The following GRM7 variants were observed in gnomAD, a reference collection of about 807,000 sequenced individuals.
GRM7 encodes metabotropic glutamate receptor 7.
A neutral mutation model predicts 84.5 loss-of-function variants in GRM7; 35 were observed. That is an observed-to-expected ratio of 0.41 (90% CI 0.32 to 0.55). GRM7 has a LOEUF of 0.55. Ranked by LOEUF, GRM7 falls within the 20% of genes least tolerant of loss-of-function variation. The pLI, the probability that GRM7 is intolerant of heterozygous loss-of-function variation, is 0.19. For missense variants in GRM7, 1,003 were observed against 1,194.6 expected, an observed-to-expected ratio of 0.84 and a Z score of 2.36; for synonymous variants, 487 against 455.1, an observed-to-expected ratio of 1.07 and a Z score of -0.89.
intron 9 of GRM7, among the ~76,000 whole-genome samples, chr3:7,705,751 G>C (rs528427663): frequency 1.3e-5 from 2 of 152,144 alleles, no homozygotes; most frequent in African/African-American, 2.4e-5. Context: ...TCAAGAAAAA[G>C]CCTGGGAAAT....
In GRM7 at chr3:6,983,529, T is replaced by G. The variant is rs60868085; in HGVS notation, c.519+121622T>G. On this transcript the variant is annotated intron_variant, in intron 1 of 9. Transcript: ENST00000357716. ...CATCAATGACATTGGGTGAATTATA[T>G]GTTTACTGAGGGTCTAGTTACTGTT... Among the ~76,000 whole-genome samples, 859 of 152,104 alleles carry G rather than the reference T, an allele frequency of 5.6e-3. 9 individuals carry two copies. The highest frequency in any genetic ancestry group is 0.02 in the African/African-American group (833 of 41,414).
intron 9 of GRM7, among the ~76,000 whole-genome samples, chr3:7,731,770 C>T (rs1702341260): frequency 1.3e-5 from 2 of 152,126 alleles, no homozygotes; most frequent in South Asian, 4.1e-4. Context: ...GATAGCTTTT[C>T]TGTTTGTTTT....
chr3:7,119,092 G>C (rs1480286428), intron 1 of GRM7, among the ~76,000 whole-genome samples: 2 of 151,928 alleles, frequency 1.3e-5, no homozygotes, highest in Non-Finnish European at 2.9e-5. Context: ...GTTCTTTTCT[G>C]TCCTTTATAC....
In GRM7 at chr3:7,697,038, C is replaced by T. The variant is rs189515364; in HGVS notation, c.2698+16743C>T. On this transcript the variant is annotated intron_variant, in intron 9 of 9. Transcript: ENST00000357716. Reference sequence around the variant, plus strand: ...TCTCAGGTGCTCATTCCAGACAGAACTCAAGCTGTTAAATGGCCAGATAAG... The same window carrying T: ...TCTCAGGTGCTCATTCCAGACAGAATTCAAGCTGTTAAATGGCCAGATAAG... Among the ~76,000 whole-genome samples, 348 of 152,156 alleles carry T rather than the reference C, an allele frequency of 2.3e-3. 6 individuals are homozygous for T. The highest frequency in any genetic ancestry group is 4.1e-4 in the Non-Finnish European group (28 of 68,006).
At chr3:7,624,609 TATC>T (rs1300629872) in intron 8 of GRM7, among the ~76,000 whole-genome samples, 1 of 152,192 alleles carries the variant, frequency 6.6e-6, no homozygotes, top group African/African-American at 2.4e-5. Flanking sequence ...CAAATTTAGT[TATC>T]ATAATTTTCT....
Position 6,941,515 on chromosome 3 carries a change from A to G in GRM7, c.519+79608A>G, listed in dbSNP as rs368623140. ...GAAGAGAAATTGAGGATGAAGAACA[A>G]AATAGATGAGCTTTATCTGCTAGAT... On this transcript the variant is annotated intron_variant, in intron 1 of 9. Transcript: ENST00000357716. Among the ~76,000 whole-genome samples the G allele has an allele frequency of 1.1e-4, 17 of 152,348 alleles. No individual in the cohort carries two copies. In the South Asian group the frequency reaches 3.5e-3, roughly 32 times the overall value.
chr3:7,433,932 G>C (rs1205728709), intron 5 of GRM7, among the ~76,000 whole-genome samples: 4 of 152,078 alleles, frequency 2.6e-5, no homozygotes, highest in Non-Finnish European at 5.9e-5. Context: ...GGAGAAAATG[G>C]ACATCTTAAT....
At chr3:7,219,764 C>G (rs961403009) in intron 2 of GRM7, among the ~76,000 whole-genome samples, 2 of 152,178 alleles carry the variant, frequency 1.3e-5, no homozygotes, top group African/African-American at 4.8e-5. Context: ...GCATGCAGGT[C>G]TTGGTATCTA....
chr3:7,678,681 C>T (rs1559482443), intron 8 of GRM7, among the ~76,000 whole-genome samples: 1 of 152,170 alleles, frequency 6.6e-6, no homozygotes, highest in Non-Finnish European at 1.5e-5. Flanking sequence ...GCTGGTAGCT[C>T]CTTTTAACCG....
chr3:7,453,494 C>T (rs1172626950), intron 6 of GRM7, among the ~76,000 whole-genome samples: 3 of 152,118 alleles, frequency 2.0e-5, no homozygotes, highest in African/African-American at 4.8e-5. Flanking sequence ...TCACAAAACT[C>T]AGTAAAACAC....
At chr3:7,175,810 T>C (rs978258676) in intron 2 of GRM7, among the ~76,000 whole-genome samples, 4 of 152,152 alleles carry the variant, frequency 2.6e-5, no homozygotes, top group African/African-American at 9.7e-5. Flanking sequence ...AGTGCTGGGA[T>C]TACAGGTGTG....
chr3:7,558,017 G>A (rs1241513978), intron 7 of GRM7, among the ~76,000 whole-genome samples: 1 of 141,340 alleles, frequency 7.1e-6, no homozygotes, highest in East Asian at 1.9e-4. Context: ...TGCAATTAGT[G>A]AAGATGTTGT....
intron 1 of GRM7, among the ~76,000 whole-genome samples, chr3:6,880,969 G>T (rs1208541975): frequency 6.6e-6 from 1 of 152,038 alleles, no homozygotes; most frequent in Non-Finnish European, 1.5e-5. Flanking sequence ...TTACTCTGTA[G>T]TTCAGTTTGG....
chr3:7,319,288 T>C (rs1277402299), intron 4 of GRM7, among the ~76,000 whole-genome samples: 2 of 151,864 alleles, frequency 1.3e-5, no homozygotes, highest in African/African-American at 2.4e-5. Context: ...AAAGAACACA[T>C]AGTAGTTGAA....
intron 9 of GRM7, among the ~76,000 whole-genome samples, chr3:7,713,795 C>CTTTTTTTT: frequency 1.5e-5 from 1 of 64,744 alleles, no homozygotes; most frequent in Non-Finnish European, 3.0e-5. Flanking sequence ...CGGATGCTTT[C>CTTTTTTTT]TTTTTTTTTT....
rs56873432 is a variant in GRM7 at position 7,352,057 on chromosome 3, CCACACACA to C, written c.1033+45441_1033+45448del. Among the ~76,000 whole-genome samples, 446 of 136,908 alleles carry C rather than the reference CCACACACA, an allele frequency of 3.3e-3. 3 individuals are homozygous for C. Among genetic ancestry groups the C allele is most frequent in the East Asian group, 7.6e-3 (34 of 4,490 alleles). The allele number at this position is 136,908 out of a possible 152,430, so 89.8% of individuals were successfully genotyped here. On this transcript the variant is annotated intron_variant, in intron 4 of 9. Coordinates refer to ENST00000357716, the MANE Select transcript of GRM7 (RefSeq NM_000844.4). ...TCTCTCTCTCACACACACACACACA[CCACACACA>C]CACACACACACACACACACACACAC...
At chr3:7,221,117 A>G (rs1696787300) in intron 2 of GRM7, among the ~76,000 whole-genome samples, 1 of 151,988 alleles carries the variant, frequency 6.6e-6, no homozygotes, top group African/African-American at 2.4e-5. Flanking sequence ...AAACAAAAGA[A>G]AAGAAAACAA....
chr3:7,130,011 G>A (rs998232421), intron 1 of GRM7, among the ~76,000 whole-genome samples: 2 of 152,066 alleles, frequency 1.3e-5, no homozygotes, highest in South Asian at 4.1e-4. Context: ...GATGTGATTC[G>A]AATTGTTTCT....
chr3:7,730,372 A>G (rs995294061), intron 9 of GRM7, among the ~76,000 whole-genome samples: 3 of 152,166 alleles, frequency 2.0e-5, no homozygotes, highest in African/African-American at 7.2e-5. Context: ...AAGCTCTGTG[A>G]AAGCAGGGAC....
Sources: allele counts gnomAD v4.1 joint callset (sites outside exome capture counted in the v4.1 genomes callset), GRCh38; gene constraint gnomAD v4.1.1; transcripts MANE v1.5; gene names NCBI Gene and HGNC (gene_info 2026-07-23, HGNC 2026-07-21).